Variants in NRIP1 observed in about 807,000 individuals in gnomAD.
NRIP1 encodes the protein nuclear receptor-interacting protein 1.
Under a neutral mutation model 75.0 loss-of-function variants are expected in NRIP1, and 28 were observed. The ratio of observed to expected loss-of-function variants is 0.37; its 90% CI spans 0.28 to 0.51. The LOEUF (loss-of-function observed/expected upper bound fraction) is 0.51, where lower values mean the gene tolerates loss of function less well. Ranked by LOEUF, NRIP1 falls within the 20% of genes least tolerant of loss-of-function variation. The pLI, the probability that NRIP1 is intolerant of heterozygous loss-of-function variation, is 0.92. For missense variants in NRIP1, 1,435 were observed against 1,343.7 expected, an observed-to-expected ratio of 1.07 and a Z score of -1.06; for synonymous variants, 526 against 487.6, an observed-to-expected ratio of 1.08 and a Z score of -1.04.
intron 3 of NRIP1, among the ~76,000 whole-genome samples, chr21:15,003,436 G>A (rs1053237664): frequency 1.3e-5 from 2 of 152,156 alleles, no homozygotes; most frequent in African/African-American, 4.8e-5. Context: ...ACTCAATGAA[G>A]TATTGCAATA....
At chr21:15,041,197 T>C (rs2088945475) in intron 2 of NRIP1, among the ~76,000 whole-genome samples, 1 of 152,156 alleles carries the variant, frequency 6.6e-6, no homozygotes, top group East Asian at 1.9e-4. Context: ...ACAACATGGA[T>C]GACTCTTACA....
chr21:15,026,193 G>A (rs905126724), intron 2 of NRIP1, among the ~76,000 whole-genome samples: 1 of 152,040 alleles, frequency 6.6e-6, no homozygotes, highest in African/African-American at 2.4e-5. Flanking sequence ...GAATACAAAT[G>A]CATAAAAAAA....
chr21:15,025,788 A>G (rs2088502250), intron 2 of NRIP1, among the ~76,000 whole-genome samples: 1 of 152,178 alleles, frequency 6.6e-6, no homozygotes, highest in African/African-American at 2.4e-5. Flanking sequence ...ACAGAAGACA[A>G]CCCTAAAGGA....
rs747701046 is a variant in NRIP1, at chr21:14,966,293, A to T, written c.1900T>A (p.Leu634Ile). The change falls in exon 4 of 4, where the codon TTA (leucine) becomes ATA (isoleucine). Residue 634 changes from leucine (L) to isoleucine (I), a missense_variant. Leu to Ile is a conservative substitution (Grantham distance 5). Transcript: ENST00000318948. ...TFSASKLLQNLAQCGMQSSMS... is the reference protein window; with the variant it reads ...TFSASKLLQNIAQCGMQSSMS... ...GATGACTGCATTCCACATTGTGCTA[A>T]ATTTTGTAACAGCTTACTGGCACTA... The T allele has an allele frequency of 1.9e-6, 3 of 1,614,064 alleles. No homozygotes were observed. Among genetic ancestry groups the T allele is most frequent in the Non-Finnish European group, 2.5e-6 (3 of 1,179,978 alleles).
intron 1 of NRIP1, among the ~76,000 whole-genome samples, chr21:15,053,168 T>C (rs546111662): frequency 3.3e-5 from 5 of 152,170 alleles, no homozygotes; most frequent in Admixed American, 3.3e-4. Context: ...TTTAGAGTAC[T>C]GCCAAAACAA....
chr21:14,975,324 A>G (rs2087024012), intron 3 of NRIP1, among the ~76,000 whole-genome samples: 1 of 152,236 alleles, frequency 6.6e-6, no homozygotes, highest in Admixed American at 6.5e-5. Context: ...CATTACAGAC[A>G]GAAAAATACT....
At chr21:15,051,494 A>G (rs1033481887) in intron 1 of NRIP1, 1 of 152,384 alleles carries the variant, frequency 6.6e-6, no homozygotes, top group African/African-American at 2.4e-5. Flanking sequence ...ACTCCATTTA[A>G]AATGTGAACA....
chr21:15,055,427 C>CT (rs1157222452), intron 1 of NRIP1, among the ~76,000 whole-genome samples: 6 of 152,118 alleles, frequency 3.9e-5, no homozygotes, highest in Non-Finnish European at 7.3e-5. Context: ...CTGTACTATT[C>CT]TTTTTTTAAA....
At chr21:15,063,061 T>C (rs891841650) in intron 1 of NRIP1, among the ~76,000 whole-genome samples, 3 of 152,118 alleles carry the variant, frequency 2.0e-5, no homozygotes, top group Non-Finnish European at 4.4e-5. Flanking sequence ...TTACTCACAC[T>C]CCTAGGGCAC....
chr21:15,050,706 T>C, intron 1 of NRIP1: 1 of 456,034 alleles, frequency 2.2e-6, no homozygotes, highest in South Asian at 1.5e-5. Context: ...ATTTTCTGTA[T>C]ATTATGATGG....
chr21:15,012,964 C>T (rs1226667233), intron 3 of NRIP1, among the ~76,000 whole-genome samples: 1 of 151,760 alleles, frequency 6.6e-6, no homozygotes, highest in Admixed American at 6.6e-5. Context: ...TGTGGCGGGG[C>T]GGTCACAGGA....
At chr21:14,992,776 A>T (rs2087610025) in intron 3 of NRIP1, 1 of 152,226 alleles carries the variant, frequency 6.6e-6, no homozygotes, top group Non-Finnish European at 1.5e-5. Context: ...TTATTCAATA[A>T]CATAAACATT....
At chr21:15,048,226 C>A (rs1251469783) in intron 1 of NRIP1, among the ~76,000 whole-genome samples, 1 of 151,990 alleles carries the variant, frequency 6.6e-6, no homozygotes, top group African/African-American at 2.4e-5. Context: ...CAAAACATGA[C>A]CACAAAGACA....
At chr21:14,985,999 TTTTA>T (rs536062249) in intron 3 of NRIP1, among the ~76,000 whole-genome samples, 20 of 152,300 alleles carry the variant, frequency 1.3e-4, no homozygotes, top group East Asian at 9.6e-4. Flanking sequence ...AAGAAAGGCT[TTTTA>T]TTTATTTATT....
chr21:15,050,878 T>C (rs2089186509), intron 1 of NRIP1: 1 of 456,080 alleles, frequency 2.2e-6, no homozygotes, highest in Non-Finnish European at 4.4e-6. Context: ...TTCCCCTGCC[T>C]GGTATCTACC....
intron 2 of NRIP1, among the ~76,000 whole-genome samples, chr21:15,034,666 G>A (rs1210666832): frequency 1.3e-5 from 2 of 152,190 alleles, no homozygotes; most frequent in Non-Finnish European, 2.9e-5. Context: ...TGTGTATGAG[G>A]AGAGGAGAGC....
At chr21:14,997,274 C>T (rs2147100633) in intron 3 of NRIP1, among the ~76,000 whole-genome samples, 1 of 152,256 alleles carries the variant, frequency 6.6e-6, no homozygotes, top group South Asian at 2.1e-4. Flanking sequence ...TCTCATTTTC[C>T]AAATCATTTA....
intron 3 of NRIP1, among the ~76,000 whole-genome samples, chr21:14,981,264 G>A (rs2087224681): frequency 6.6e-6 from 1 of 152,200 alleles, no homozygotes; most frequent in Non-Finnish European, 1.5e-5. Flanking sequence ...ACTTTAAATG[G>A]TTTTATTTAT....
intron 2 of NRIP1, among the ~76,000 whole-genome samples, chr21:15,039,573 C>A (rs1270376313): frequency 6.6e-6 from 1 of 152,058 alleles, no homozygotes; most frequent in Middle Eastern, 3.2e-3. Context: ...ATTTAGGTAA[C>A]CTTTAAATAT....
Sources: gnomAD v4.1 joint callset for allele counts (sites outside exome capture counted in the v4.1 genomes callset) on GRCh38, gnomAD v4.1.1 for gene constraint, MANE v1.5 for transcripts, NCBI Gene and HGNC (gene_info 2026-07-23, HGNC 2026-07-21) for gene names.